PLAGL1: variants seen among roughly 807,000 people sequenced by gnomAD.
PLAGL1 encodes the protein PLAG1 like zinc finger 1, also known as zinc finger protein PLAGL1.
In PLAGL1, 1 loss-of-function variant was observed where a neutral mutation model predicts 4.6. The observed-to-expected ratio is 0.22, with a 90% CI of 0.08 to 1.03. The LOEUF (loss-of-function observed/expected upper bound fraction) is 1.03, where lower values mean the gene tolerates loss of function less well. Among genes scored for constraint, PLAGL1 ranks in the 50% least tolerant of loss-of-function variants. The probability of loss-of-function intolerance (pLI) is 0.58; values close to 1 mark genes in which losing one functional copy is unlikely to be tolerated. For missense variants in PLAGL1, 464 were observed against 570.4 expected, an observed-to-expected ratio of 0.81 and a Z score of 1.90; for synonymous variants, 240 against 237.8, an observed-to-expected ratio of 1.01 and a Z score of -0.08.
rs1200753870 is a variant in PLAGL1 at position 144,015,897 on chromosome 6, T to C, written c.-150-46919A>G. 6.6e-6 allele frequency among the ~76,000 whole-genome samples: 1 copy of C among 152,164 alleles called. No homozygotes were observed. The highest frequency in any genetic ancestry group is 1.5e-5 in the Non-Finnish European group (1 of 68,024). ...TCTTAGGTATTTTATCCAAGAGAAA[T>C]GATAACATGTCTGTGGAAAGACTTA... On this transcript the variant is annotated intron_variant, in intron 1 of 3. Coordinates refer to the PLAGL1 transcript ENST00000437412. This position sits in a 1 kb window ranked among gnomAD's most constrained non-coding sequence, Gnocchi z 4.3.
In PLAGL1 at chr6:143,976,285, CT is replaced by C. The variant is rs58569870; in HGVS notation, c.-543-7308del. Among the ~76,000 whole-genome samples, 405 of 113,218 alleles carry C rather than the reference CT, an allele frequency of 3.6e-3. 2 individuals are homozygous for C. Among genetic ancestry groups the C allele is most frequent in the African/African-American group, 0.011 (337 of 30,118 alleles). 74.3% of individuals were successfully genotyped at this position (113,218 alleles called of 152,430 possible). A position where few individuals can be genotyped will look rare whatever the true frequency, so the allele number is the denominator to read the frequency against. ...CGCCCTTGAGCCTGAGATTTCTTTT[CT>C]TTTTTTTTTTTTTTTTGGTGAATTC... On this transcript the variant is annotated intron_variant, in intron 2 of 7. Transcript: ENST00000674357.
chr6:143,996,056 G>T (rs1353251469), intron 1 of PLAGL1, among the ~76,000 whole-genome samples: 2 of 152,104 alleles, frequency 1.3e-5, no homozygotes, highest in African/African-American at 4.8e-5. Flanking sequence ...TTTGTGACCT[G>T]CTGAGCCACA....
chr6:143,999,419 A>T (rs2128651810), intron 1 of PLAGL1, among the ~76,000 whole-genome samples: 1 of 152,338 alleles, frequency 6.6e-6, no homozygotes, highest in Admixed American at 6.5e-5. Flanking sequence ...TCCATACACA[A>T]ATAATACAAT....
chr6:143,961,978 T>C lies in PLAGL1; in HGVS notation c.-398-1436A>G, dbSNP rs1783476855. ...TATCACAAAAAGAAAGCGATTCCTT[T>C]CTGAATTCAACAATACTCCTTGGCC... On this transcript the variant is annotated intron_variant, in intron 5 of 7. Coordinates refer to ENST00000674357, the MANE Select transcript of PLAGL1 (RefSeq NM_001317162.2). This position sits in a 1 kb window ranked among gnomAD's most constrained non-coding sequence, Gnocchi z 6.5. Among the ~76,000 whole-genome samples, 1 of 152,218 alleles carries C rather than the reference T, an allele frequency of 6.6e-6. No individual in the cohort carries two copies. The highest frequency in any genetic ancestry group is 1.5e-5 in the Non-Finnish European group (1 of 68,038).
intron 1 of PLAGL1, among the ~76,000 whole-genome samples, chr6:143,991,250 A>G (rs1214596292): frequency 2.6e-5 from 4 of 152,236 alleles, no homozygotes; most frequent in African/African-American, 9.6e-5. Flanking sequence ...ACATCTAAAT[A>G]TTTATGTTAT....
rs1798889312 is a variant in PLAGL1, at chr6:144,055,353, T to C, written c.-151+9115A>G. ...GCAGCACCAGAACCACAACCCACCA[T>C]GACTTGCTGTGCTTGTTATACAAAA... On this transcript the variant is annotated intron_variant, in intron 1 of 3. Coordinates refer to the PLAGL1 transcript ENST00000437412. The surrounding 1 kb of genome is among the most constrained non-coding windows in gnomAD (Gnocchi z 5.0). Among the ~76,000 whole-genome samples the C allele has an allele frequency of 6.6e-6, 1 of 152,186 alleles. No individual in the cohort carries two copies. Among genetic ancestry groups the C allele is most frequent in the Non-Finnish European group, 1.5e-5 (1 of 68,014 alleles).
chr6:143,941,966 A>G lies in PLAGL1; in HGVS notation c.850T>C (p.Ser284Pro), dbSNP rs1294497676. The G allele has an allele frequency of 1.3e-5, 21 of 1,598,522 alleles. No homozygotes were observed. Among genetic ancestry groups the G allele is most frequent in the Non-Finnish European group, 1.6e-5 (19 of 1,171,378 alleles). The change falls in exon 8 of 8, where the codon TCC becomes CCC. Residue 284 changes from serine to proline, a missense_variant. Transcript: ENST00000674357. This position sits in a 1 kb window ranked among gnomAD's most constrained non-coding sequence, Gnocchi z 6.0. ...PMQPLPESLA[S>P]LHPSVSPGSP... ...CCAGGGGATACCGAGGGGTGGAGGG[A>G]GGCCAGGGACTCTGGCAGCGGCTGC...
intron 1 of PLAGL1, among the ~76,000 whole-genome samples, chr6:144,035,224 T>C (rs1797130370): frequency 6.6e-6 from 1 of 152,150 alleles, no homozygotes; most frequent in African/African-American, 2.4e-5. Context: ...ATAGGCCTCC[T>C]GCAAGCTGAG....
chr6:144,016,823 A>G lies in PLAGL1; in HGVS notation c.-151+47645T>C, dbSNP rs1294276399. On this transcript the variant is annotated intron_variant, in intron 1 of 3. Transcript: ENST00000437412. The surrounding 1 kb of genome is among the most constrained non-coding windows in gnomAD (Gnocchi z 4.2). ...GGATAGGATGAGGAGAAATCACATG[A>G]GATTGGTTTTATCTCTATTACCAGC... 6.6e-6 allele frequency among the ~76,000 whole-genome samples: 1 copy of G among 152,144 alleles called. No homozygotes were observed. Among genetic ancestry groups the G allele is most frequent in the Non-Finnish European group, 1.5e-5 (1 of 68,022 alleles).
chr6:144,044,458 G>T (rs1797974398), intron 1 of PLAGL1, among the ~76,000 whole-genome samples: 1 of 152,164 alleles, frequency 6.6e-6, no homozygotes, highest in Non-Finnish European at 1.5e-5. Context: ...TCAGGAGCAG[G>T]TTGTTCAGTT....
chr6:144,020,286 T>C (rs1795876495), intron 1 of PLAGL1, among the ~76,000 whole-genome samples: 2 of 151,984 alleles, frequency 1.3e-5, no homozygotes, highest in South Asian at 4.1e-4. Flanking sequence ...TGTTTGTTTG[T>C]TTGTTTGTTT....
chr6:144,020,148 C>T (rs1028420195), intron 1 of PLAGL1, among the ~76,000 whole-genome samples: 4 of 152,132 alleles, frequency 2.6e-5, no homozygotes, highest in Admixed American at 1.3e-4. Flanking sequence ...GACCGCTGTC[C>T]ACGAACTAGA....
At chr6:144,017,243 C>G (rs1009062843) in intron 1 of PLAGL1, among the ~76,000 whole-genome samples, 2 of 152,080 alleles carry the variant, frequency 1.3e-5, no homozygotes, top group African/African-American at 4.8e-5. Flanking sequence ...CTACCTCTTG[C>G]TGGTCTTATT....
In PLAGL1 at chr6:143,941,334, GT is replaced by G; in HGVS notation, c.*89del. The G allele has an allele frequency of 9.5e-7, 1 of 1,051,834 alleles. No homozygotes were observed. The highest frequency in any genetic ancestry group is 1.3e-6 in the Non-Finnish European group (1 of 746,482). 65.2% of individuals were successfully genotyped at this position (1,051,834 alleles called of 1,614,324 possible). On this transcript the variant is annotated 3_prime_UTR_variant, in exon 8 of 8. Transcript: ENST00000674357. The surrounding 1 kb of genome is among the most constrained non-coding windows in gnomAD (Gnocchi z 6.0). ...CTGAATAAGCCATAGTCCCAGTCTCGTTTTCCAAATCTTTCTCATATTGTAA... is the reference window on the plus strand; with the variant it reads ...CTGAATAAGCCATAGTCCCAGTCTCGTTTCCAAATCTTTCTCATATTGTAA...
chr6:143,983,064 C>A lies in PLAGL1; in HGVS notation c.-544+2071G>T, dbSNP rs1422165689. Among the ~76,000 whole-genome samples, 1 of 152,032 alleles carries A rather than the reference C, an allele frequency of 6.6e-6. No individual in the cohort carries two copies. Among genetic ancestry groups the A allele is most frequent in the Non-Finnish European group, 1.5e-5 (1 of 68,014 alleles). On this transcript the variant is annotated intron_variant, in intron 2 of 7. Transcript: ENST00000674357. The surrounding 1 kb of genome is among the most constrained non-coding windows in gnomAD (Gnocchi z 6.6). ...GTACAGAGACTGTGCTCAGGGACAG[C>A]CAATGTTTGGAGGTCAGGACAATGA...
rs1485168976 is a variant in PLAGL1, at chr6:143,997,673, G to A, written c.-584+10417C>T. On this transcript the variant is annotated intron_variant, in intron 1 of 7. Coordinates refer to ENST00000674357, the MANE Select transcript of PLAGL1 (RefSeq NM_001317162.2). This position sits in a 1 kb window ranked among gnomAD's most constrained non-coding sequence, Gnocchi z 4.6. ...CACACTCCAGCCTGGGTGGCAGAGT[G>A]AGATACCATCTTGGGGCGGAGGGGG... 1.3e-5 allele frequency among the ~76,000 whole-genome samples: 2 copies of A among 152,162 alleles called. No individual in the cohort carries two copies. Among genetic ancestry groups the A allele is most frequent in the Non-Finnish European group, 1.5e-5 (1 of 68,036 alleles).
chr6:143,970,319 T>C lies in PLAGL1; in HGVS notation c.-543-1341A>G, dbSNP rs949731762. On this transcript the variant is annotated intron_variant, in intron 2 of 7. Coordinates refer to ENST00000674357, the MANE Select transcript of PLAGL1 (RefSeq NM_001317162.2). The surrounding 1 kb of genome is among the most constrained non-coding windows in gnomAD (Gnocchi z 5.8). ...AAATGTCTCACTAAAGAAGGCAATA[T>C]GTAATGTTGCAAAGTAAACATTTAA... Among the ~76,000 whole-genome samples, 1 of 152,250 alleles carries C rather than the reference T, an allele frequency of 6.6e-6. No homozygotes were observed. Among genetic ancestry groups the C allele is most frequent in the Admixed American group, 6.5e-5 (1 of 15,284 alleles).
rs1788386320 is a variant in PLAGL1, at chr6:143,983,492, A to G, written c.-544+1643T>C. 6.6e-6 allele frequency among the ~76,000 whole-genome samples: 1 copy of G among 152,174 alleles called. No homozygotes were observed. Among genetic ancestry groups the G allele is most frequent in the Non-Finnish European group, 1.5e-5 (1 of 68,016 alleles). ...GAGCAGGTGAGAGGAGATGGGACTA[A>G]GAATATAAGTACAAGGGTAAGCTTT... is the stretch of plus-strand genomic sequence containing the variant. On this transcript the variant is annotated intron_variant, in intron 2 of 7. Transcript: ENST00000674357. The surrounding 1 kb of genome is among the most constrained non-coding windows in gnomAD (Gnocchi z 6.6).
Position 143,972,322 on chromosome 6 carries a change from A to G in PLAGL1, c.-543-3344T>C, listed in dbSNP as rs1456299863. On this transcript the variant is annotated intron_variant, in intron 2 of 7. Coordinates refer to ENST00000674357, the MANE Select transcript of PLAGL1 (RefSeq NM_001317162.2). This position sits in a 1 kb window ranked among gnomAD's most constrained non-coding sequence, Gnocchi z 6.8. ...AGGGCCATGTGTTAAGTGCCATAAT[A>G]GAGGTGTACACAAAGGGCTGGGGGC... is the stretch of plus-strand genomic sequence containing the variant. Among the ~76,000 whole-genome samples, 1 of 152,224 alleles carries G rather than the reference A, an allele frequency of 6.6e-6. No individual in the cohort carries two copies. Among genetic ancestry groups the G allele is most frequent in the Non-Finnish European group, 1.5e-5 (1 of 68,042 alleles).
Sources: allele counts gnomAD v4.1 joint callset (sites outside exome capture counted in the v4.1 genomes callset), GRCh38; gene constraint gnomAD v4.1.1; non-coding constraint Gnocchi (gnomAD v3.1); transcripts MANE v1.5; gene names NCBI Gene and HGNC (gene_info 2026-07-23, HGNC 2026-07-21).